The following FRK variants were observed in gnomAD, a reference collection of about 807,000 sequenced individuals.
FRK encodes tyrosine-protein kinase FRK.
Under a neutral mutation model 56.4 loss-of-function variants are expected in FRK, and 51 were observed. The observed-to-expected ratio is 0.90, with a 90% CI of 0.72 to 1.14. The LOEUF (loss-of-function observed/expected upper bound fraction) is 1.14. Among genes scored for constraint, FRK ranks in the 50% most tolerant of loss-of-function variants. FRK has a pLI of 0.00. For missense variants in FRK, 570 were observed against 601.4 expected (o/e 0.95, Z 0.55); for synonymous variants, 245 against 217.9 (o/e 1.12, Z -1.10).
chr6:116,013,022 C>A (rs183466071), intron 1 of FRK, among the ~76,000 whole-genome samples: 97 of 152,266 alleles, frequency 6.4e-4, no homozygotes, highest in African/African-American at 2.2e-3. Context: ...AGAGGTAGGA[C>A]TTGCAGTCAC....
At chr6:116,067,772 G>C in the FRK span, among the ~76,000 whole-genome samples, 1 of 152,070 alleles carries the variant, frequency 6.6e-6, no homozygotes, top group Non-Finnish European at 1.5e-5. Flanking sequence ...TATCTCTAAA[G>C]ATTATTTTAT....
At chr6:116,003,475 G>A (rs758722920) in intron 2 of FRK, among the ~76,000 whole-genome samples, 30 of 152,064 alleles carry the variant, frequency 2.0e-4, no homozygotes, top group African/African-American at 3.4e-4. Flanking sequence ...ATTTCAATTC[G>A]TTTTATGTTT....
chr6:116,054,624 G>A (rs533235652), intron 1 of FRK, among the ~76,000 whole-genome samples: 3 of 148,846 alleles, frequency 2.0e-5, no homozygotes, highest in Admixed American at 6.7e-5. Flanking sequence ...ATTATAGTAA[G>A]TATACTTTGT....
rs189996735 is a variant in FRK, at chr6:116,024,409, T to G, written c.345-20411A>C. Among the ~76,000 whole-genome samples, 602 of 140,824 alleles carry G rather than the reference T, an allele frequency of 4.3e-3. 5 individuals are homozygous for G. Among genetic ancestry groups the G allele is most frequent in the Middle Eastern group, 0.042 (12 of 288 alleles). 92.4% of individuals were successfully genotyped at this position (140,824 alleles called of 152,430 possible). The stretch of plus-strand genomic sequence containing the variant: ...TAGGTATATCTCCCAATGCTATCCC[T>G]CCCCCCTCCCCACACCCCACAACAG... On this transcript the variant is annotated intron_variant, in intron 1 of 7. Transcript: ENST00000606080.
At chr6:116,093,153 C>T in the FRK span, among the ~76,000 whole-genome samples, 1 of 152,184 alleles carries the variant, frequency 6.6e-6, no homozygotes, top group Non-Finnish European at 1.5e-5. Flanking sequence ...CAGCTTACCC[C>T]CATAGCCTAG....
rs1771963071 is a variant in FRK at position 115,931,827 on chromosome 6, G to T, written c.*10587C>A. The T allele has an allele frequency of 6.6e-6, 1 of 152,246 alleles. No homozygotes were observed. The highest frequency in any genetic ancestry group is 1.9e-4 in the East Asian group (1 of 5,190). 9.4% of individuals were successfully genotyped at this position (152,246 alleles called of 1,614,324 possible). A position where few individuals can be genotyped will look rare whatever the true frequency, so the allele number is the denominator to read the frequency against. On this transcript the variant is annotated 3_prime_UTR_variant, in exon 8 of 8. Coordinates refer to ENST00000606080, the MANE Select transcript of FRK (RefSeq NM_002031.3). ...TCTTCCAAACAGGGCAGTTTTAGTT[G>T]CTTTTAACCACTTTTTCCCAACATA...
rs1364020121 is a variant in FRK at position 115,935,544 on chromosome 6, G to C, written c.*6870C>G. On this transcript the variant is annotated 3_prime_UTR_variant, in exon 8 of 8. Coordinates refer to ENST00000606080, the MANE Select transcript of FRK (RefSeq NM_002031.3). ...GGGGGCTGAAGCCAGGGAGCCAAGTGGTCTAGCTTGGCGGGTCCCACCCCC... is the reference window on the plus strand; with the variant it reads ...GGGGGCTGAAGCCAGGGAGCCAAGTCGTCTAGCTTGGCGGGTCCCACCCCC... 1 of 152,734 alleles carries C rather than the reference G, an allele frequency of 6.5e-6. No individual in the cohort carries two copies. The highest frequency in any genetic ancestry group is 1.5e-5 in the Non-Finnish European group (1 of 68,472). 9.5% of individuals were successfully genotyped at this position (152,734 alleles called of 1,614,324 possible). A position where few individuals can be genotyped will look rare whatever the true frequency, so the allele number is the denominator to read the frequency against.
chr6:116,021,901 T>G (rs1775885078), intron 1 of FRK, among the ~76,000 whole-genome samples: 1 of 152,124 alleles, frequency 6.6e-6, no homozygotes, highest in South Asian at 2.1e-4. Context: ...TTGATATTTT[T>G]GGGAAGATTA....
In FRK at chr6:116,039,331, A is replaced by T. The variant is rs1237017306; in HGVS notation, c.344+20637T>A. The T allele has an allele frequency of 2.8e-6, 4 of 1,417,946 alleles. 1 individual carries two copies. In the South Asian group the frequency reaches 4.6e-5, roughly 16 times the overall value. The allele number at this position is 1,417,946 out of a possible 1,614,324, so 87.8% of individuals were successfully genotyped here. ...CGAGAAGTTCTGAGAATGGTGTCCA[A>T]CATCTCTGATGTGGTGGCTCAGAGC... On this transcript the variant is annotated intron_variant, in intron 1 of 7. Transcript: ENST00000606080.
intron 2 of FRK, among the ~76,000 whole-genome samples, chr6:115,991,485 T>C (rs919256887): frequency 6.6e-6 from 1 of 151,832 alleles, no homozygotes; most frequent in African/African-American, 2.4e-5. Flanking sequence ...TGAAGGGATG[T>C]TGGATTTTAT....
chr6:116,046,563 A>T (rs11153596), intron 1 of FRK, among the ~76,000 whole-genome samples: 57,309 of 151,874 alleles, frequency 0.38, 11,203 homozygotes, highest in Middle Eastern at 0.5. Context: ...TTCTCACTCA[A>T]AAGTGGGAAT....
intron 2 of FRK, among the ~76,000 whole-genome samples, chr6:115,995,540 G>T (rs527558678): frequency 2.6e-5 from 4 of 151,702 alleles, no homozygotes; most frequent in African/African-American, 9.7e-5. Flanking sequence ...ACAAACCAAG[G>T]TAAGCAAAAG....
chr6:115,957,488 T>C (rs1773047532), intron 4 of FRK, among the ~76,000 whole-genome samples: 1 of 152,210 alleles, frequency 6.6e-6, no homozygotes, highest in Non-Finnish European at 1.5e-5. Flanking sequence ...TTTCACATCT[T>C]AGTATTCACT....
the FRK span, among the ~76,000 whole-genome samples, chr6:116,091,207 T>G: frequency 6.6e-6 from 1 of 152,054 alleles, no homozygotes; most frequent in African/African-American, 2.4e-5. Context: ...GCTAAAGGAT[T>G]GTAAATGCAC....
At chr6:116,096,400 CTG>C in the FRK span, among the ~76,000 whole-genome samples, 3 of 152,182 alleles carry the variant, frequency 2.0e-5, no homozygotes, top group Non-Finnish European at 2.9e-5. Context: ...AATCAATACT[CTG>C]TGTCTAACTA....
At chr6:115,975,831 G>A (rs919835989) in intron 2 of FRK, among the ~76,000 whole-genome samples, 2 of 152,148 alleles carry the variant, frequency 1.3e-5, no homozygotes, top group Non-Finnish European at 2.9e-5. Context: ...TGTTTCACCT[G>A]TCAACTGATG....
At position 115,983,265 on chromosome 6, in the gene FRK, G is replaced by T. The variant is rs574428835; in HGVS notation, c.467-14526C>A. The stretch of plus-strand genomic sequence containing the variant: ...AGAGCAAATATCTATGAGTGCTATG[G>T]TTCAAAACCAGGTAGTGAGATTCTG... On this transcript the variant is annotated intron_variant, in intron 2 of 7. Transcript: ENST00000606080. Among the ~76,000 whole-genome samples the T allele has an allele frequency of 7.2e-5, 11 of 152,078 alleles. No homozygotes were observed. The South Asian group carries it at 2.1e-3, about 29-fold the overall frequency.
intron 4 of FRK, among the ~76,000 whole-genome samples, chr6:115,965,985 G>T (rs1367027202): frequency 9.2e-6 from 1 of 108,998 alleles, no homozygotes; most frequent in African/African-American, 3.5e-5. Context: ...CACCAGCATG[G>T]CACATGTATA....
intron 1 of FRK, among the ~76,000 whole-genome samples, chr6:116,038,066 G>A (rs1391168251): frequency 6.6e-6 from 1 of 152,182 alleles, no homozygotes; most frequent in Non-Finnish European, 1.5e-5. Context: ...AACAAGGTAA[G>A]AGGCAGGGGA....
Sources: gnomAD v4.1 joint callset for allele counts (sites outside exome capture counted in the v4.1 genomes callset) on GRCh38, gnomAD v4.1.1 for gene constraint, MANE v1.5 for transcripts, NCBI Gene and HGNC (gene_info 2026-07-23, HGNC 2026-07-21) for gene names.